Variants in HPD observed in about 807,000 individuals in gnomAD.
HPD encodes 4-hydroxyphenylpyruvic acid oxidase.
Under a neutral mutation model 56.9 loss-of-function variants are expected in HPD, and 35 were observed. The ratio of observed to expected loss-of-function variants is 0.62; its 90% confidence interval spans 0.47 to 0.82. HPD has a LOEUF of 0.82. HPD is among the 40% of genes least tolerant of loss of function. The pLI, the probability that HPD is intolerant of heterozygous loss-of-function variation, is 0.00. For synonymous variants in HPD, 186 were observed against 200.2 expected (o/e 0.93, Z 0.60); for missense variants, 442 against 506.8 (o/e 0.87, Z 1.23).
At chr12:121,886,408 T>C in the HPD span, among the ~76,000 whole-genome samples, 3 of 134,858 alleles carry the variant, frequency 2.2e-5, no homozygotes, top group East Asian at 2.4e-4. Flanking sequence ...GCGCCTGGCC[T>C]AGTTTTTTTT....
intron 7 of HPD, among the ~76,000 whole-genome samples, chr12:121,854,149 G>A (rs938635609): frequency 2.6e-5 from 4 of 151,462 alleles, no homozygotes; most frequent in South Asian, 4.2e-4. Context: ...CCAACTACTC[G>A]GGAGGCTGAG....
the HPD span, among the ~76,000 whole-genome samples, chr12:121,887,712 C>T: frequency 6.6e-6 from 1 of 152,202 alleles, no homozygotes; most frequent in Non-Finnish European, 1.5e-5. Flanking sequence ...GTTCTTAAAT[C>T]TAGGCAATTG....
chr12:121,879,291 A>T, the HPD span, among the ~76,000 whole-genome samples: 6,134 of 151,978 alleles, frequency 0.04, 200 homozygotes, highest in Middle Eastern at 0.095. Flanking sequence ...AAATAAATAA[A>T]TAATTAATTA....
intron 11 of HPD, among the ~76,000 whole-genome samples, chr12:121,846,248 C>G (rs1000655472): frequency 2.0e-5 from 3 of 151,980 alleles, no homozygotes; most frequent in African/African-American, 7.2e-5. Context: ...CAGAATTTCA[C>G]TCTTGTCGCC....
chr12:121,883,180 TTGTGTGTGTGTGTGTGTGTGTGTGTG>T, the HPD span, among the ~76,000 whole-genome samples: 25 of 115,372 alleles, frequency 2.2e-4, no homozygotes, highest in African/African-American at 7.1e-4. Flanking sequence ...GGAGCATAAG[TTGTGTGTGTGTGTGTGTGTGTGTGTG>T]TGTGTGTGTG....
upstream of HPD, among the ~76,000 whole-genome samples, chr12:121,865,959 C>G (rs930470477): frequency 4.6e-5 from 7 of 151,984 alleles, no homozygotes; most frequent in African/African-American, 7.3e-5. Context: ...TGCACTCCAG[C>G]CTGGGCAACA....
At chr12:121,845,108 T>TAC (rs1318341490) in intron 11 of HPD, among the ~76,000 whole-genome samples, 3 of 148,012 alleles carry the variant, frequency 2.0e-5, no homozygotes, top group African/African-American at 7.9e-5. Flanking sequence ...TATATATATA[T>TAC]ACACACACAT....
At chr12:121,856,664 G>A in intron 4 of HPD, 39 bp from the exon 5 acceptor site, 1 of 1,597,604 alleles carries the variant, frequency 6.3e-7, no homozygotes, top group African/African-American at 1.3e-5. Context: ...TAGTGGCTCA[G>A]GGGGGCATGG....
chr12:121,853,230 C>G (rs1337823953), intron 7 of HPD, among the ~76,000 whole-genome samples: 2 of 152,010 alleles, frequency 1.3e-5, no homozygotes, highest in Non-Finnish European at 2.9e-5. Context: ...AGATGCCGGG[C>G]TTAATACCTA....
At chr12:121,859,600 A>G (rs1427038677), upstream of HPD, among the ~76,000 whole-genome samples, 3 of 152,212 alleles carry the variant, frequency 2.0e-5, no homozygotes, top group African/African-American at 7.2e-5. Flanking sequence ...AGATATTGAT[A>G]TCCCCATCAG....
chr12:121,862,470 T>C (rs1171787112), upstream of HPD, among the ~76,000 whole-genome samples: 1 of 151,870 alleles, frequency 6.6e-6, no homozygotes, highest in Non-Finnish European at 1.5e-5. Context: ...GCTAATTTTG[T>C]ATTTTTAGTA....
In HPD at chr12:121,843,793, C is replaced by G; in HGVS notation, c.871G>C (p.Val291Leu). Residue 291 changes from valine (V) to leucine (L), a missense_variant, in exon 12 of 14, where the codon GTT becomes CTT. Coordinates refer to ENST00000289004, the MANE Select transcript of HPD (RefSeq NM_002150.3). ...LRERGLEFLS[V>L]PSTYYKQLRE... is the part of the protein sequence containing the mutation. ...AGTTGTTTGTAGTACGTGGAGGGAA[C>G]AGATAAGAACTCCAGGCCTCTCTCT... is the stretch of plus-strand genomic sequence containing the variant. The G allele has an allele frequency of 2.5e-6, 4 of 1,614,038 alleles. No individual in the cohort carries two copies. Among genetic ancestry groups the G allele is most frequent in the Non-Finnish European group, 2.5e-6 (3 of 1,179,968 alleles).
intron 6 of HPD, among the ~76,000 whole-genome samples, chr12:121,855,260 T>C (rs1284272645): frequency 6.6e-6 from 1 of 152,208 alleles, no homozygotes; most frequent in Non-Finnish European, 1.5e-5. Context: ...TATTATCATC[T>C]CCATTCTCTA....
At chr12:121,849,142 C>T (rs1877680522) in intron 8 of HPD, 66 bp from the exon 9 acceptor site, 5 of 920,258 alleles carry the variant, frequency 5.4e-6, no homozygotes, top group Non-Finnish European at 9.1e-6. Context: ...TCTCCATGAC[C>T]CCTCAATAAT....
chr12:121,868,671 C>T, the HPD span, among the ~76,000 whole-genome samples: 2 of 151,848 alleles, frequency 1.3e-5, no homozygotes, highest in Non-Finnish European at 2.9e-5. Context: ...CAGGCCTGTG[C>T]CCCCATGCCC....
At chr12:121,858,972 C>G, upstream of HPD, 1 of 847,408 alleles carries the variant, frequency 1.2e-6, no homozygotes, top group Non-Finnish European at 2.0e-6. Context: ...AGGTTCCAGG[C>G]CTGGGGACCT....
upstream of HPD, among the ~76,000 whole-genome samples, chr12:121,859,533 T>C (rs1208660123): frequency 2.0e-5 from 3 of 152,192 alleles, no homozygotes; most frequent in African/African-American, 7.2e-5. Flanking sequence ...TGAACCGGGC[T>C]ATTCTAACTC....
chr12:121,840,448 AG>A (rs1877370334), intron 12 of HPD, among the ~76,000 whole-genome samples: 1 of 152,052 alleles, frequency 6.6e-6, no homozygotes, highest in African/African-American at 2.4e-5. Flanking sequence ...CTACAGGCGC[AG>A]GCTACCATGC....
At chr12:121,850,846 G>A (rs886271804) in intron 7 of HPD, among the ~76,000 whole-genome samples, 3 of 151,254 alleles carry the variant, frequency 2.0e-5, no homozygotes, top group Admixed American at 1.3e-4. Context: ...CTACAAGCAC[G>A]TGCCACCACA....
Sources: allele counts gnomAD v4.1 joint callset (sites outside exome capture counted in the v4.1 genomes callset), GRCh38; gene constraint gnomAD v4.1.1; transcripts MANE v1.5; gene names NCBI Gene and HGNC (gene_info 2026-07-23, HGNC 2026-07-21).